Variants in EPHA6 observed in about 807,000 individuals in gnomAD.
The protein encoded by EPHA6 is EPH receptor A6.
In EPHA6, 50 loss-of-function variants were observed where a neutral mutation model predicts 112.0. The ratio of observed to expected loss-of-function variants is 0.45; its 90% CI spans 0.36 to 0.56. The LOEUF (loss-of-function observed/expected upper bound fraction) is 0.56. Ranked by LOEUF, EPHA6 falls within the 20% of genes least tolerant of loss-of-function variation. The pLI, the probability that EPHA6 is intolerant of heterozygous loss-of-function variation, is 0.00. For missense variants in EPHA6, 1,280 were observed against 1,417.4 expected, an observed-to-expected ratio of 0.90 and a Z score of 1.56; for synonymous variants, 529 against 490.7, an observed-to-expected ratio of 1.08 and a Z score of -1.03.
At chr3:96,976,326 T>C (rs2042519861) in intron 2 of EPHA6, among the ~76,000 whole-genome samples, 1 of 152,160 alleles carries the variant, frequency 6.6e-6, no homozygotes, top group African/African-American at 2.4e-5. Context: ...TCCAAACAAC[T>C]CCAGTTCATG....
intron 11 of EPHA6, among the ~76,000 whole-genome samples, chr3:97,591,786 C>T (rs989958075): frequency 3.3e-5 from 5 of 152,090 alleles, no homozygotes; most frequent in East Asian, 1.9e-4. Context: ...AGAATGTATT[C>T]GTGATTTATT....
chr3:97,695,603 C>G (rs146547900), intron 14 of EPHA6, among the ~76,000 whole-genome samples: 2 of 152,266 alleles, frequency 1.3e-5, no homozygotes, highest in East Asian at 3.9e-4. Context: ...TGCAGTGGCG[C>G]CATCTCAGCT....
chr3:97,716,869 T>C (rs569888926), intron 14 of EPHA6, among the ~76,000 whole-genome samples: 6 of 152,302 alleles, frequency 3.9e-5, no homozygotes, highest in Non-Finnish European at 7.3e-5. Context: ...TTATGTCCCA[T>C]TTTTTCTTGT....
chr3:97,654,396 G>A (rs2094125390), intron 14 of EPHA6, among the ~76,000 whole-genome samples: 1 of 151,726 alleles, frequency 6.6e-6, no homozygotes, highest in South Asian at 2.1e-4. Context: ...GTACTGTTCT[G>A]GTCACTGGAC....
In EPHA6 at chr3:97,363,216, ATATATATATATATATATATAT is replaced by A. The variant is rs2084491302; in HGVS notation, c.1607-41933_1607-41913del. On this transcript the variant is annotated intron_variant, in intron 5 of 17. Transcript: ENST00000389672. The stretch of plus-strand genomic sequence containing the variant: ...TATATATATATATATATATATATAT[ATATATATATATATATATATAT>A]AAATCTCAGATGCTACAAAAACTAA... Among the ~76,000 whole-genome samples the A allele has an allele frequency of 1.5e-3, 91 of 59,906 alleles. 2 individuals are homozygous for A. The highest frequency in any genetic ancestry group is 9.0e-3 in the African/African-American group (90 of 9,960). The allele number at this position is 59,906 out of a possible 152,430, so 39.3% of individuals were successfully genotyped here. A position where few individuals can be genotyped will look rare whatever the true frequency, so the allele number is the denominator to read the frequency against.
intron 13 of EPHA6, among the ~76,000 whole-genome samples, chr3:97,634,659 C>T (rs1485488741): frequency 6.6e-6 from 1 of 152,070 alleles, no homozygotes; most frequent in Admixed American, 6.6e-5. Context: ...AAGGCCATGA[C>T]CCCTTTACAC....
chr3:96,860,669 T>C lies in EPHA6; in HGVS notation c.386-6156T>C, dbSNP rs140660389. Among the ~76,000 whole-genome samples, 172 of 152,138 alleles carry C rather than the reference T, an allele frequency of 1.1e-3. 1 individual carries two copies. The highest frequency in any genetic ancestry group is 3.9e-3 in the African/African-American group (164 of 41,528). On this transcript the variant is annotated intron_variant, in intron 1 of 17. Transcript: ENST00000389672. ...AAGCAATGGGGAACATGTTCAATGGTTTGAGCTAAATGGGGCACTTCTTTG... is the reference window on the plus strand; with the variant it reads ...AAGCAATGGGGAACATGTTCAATGGCTTGAGCTAAATGGGGCACTTCTTTG...
At chr3:96,839,548 T>A (rs2034612506) in intron 1 of EPHA6, among the ~76,000 whole-genome samples, 2 of 152,120 alleles carry the variant, frequency 1.3e-5, no homozygotes, top group South Asian at 4.1e-4. Context: ...AGTTGGGAAC[T>A]ATTATTGTAG....
intron 14 of EPHA6, among the ~76,000 whole-genome samples, chr3:97,678,254 G>T (rs1352258307): frequency 1.3e-5 from 2 of 152,192 alleles, no homozygotes; most frequent in Non-Finnish European, 2.9e-5. Context: ...AAAGAAAACA[G>T]CCATGACATG....
At chr3:97,321,803 G>A (rs569032776) in intron 5 of EPHA6, among the ~76,000 whole-genome samples, 2 of 152,148 alleles carry the variant, frequency 1.3e-5, no homozygotes, top group Admixed American at 1.3e-4. Flanking sequence ...CTATAGACTA[G>A]CTTCAAAGCA....
chr3:97,492,975 T>C (rs1479992125), intron 10 of EPHA6, among the ~76,000 whole-genome samples: 1 of 101,264 alleles, frequency 9.9e-6, no homozygotes, highest in East Asian at 2.3e-4. Flanking sequence ...AAGCTTTTCC[T>C]TTTTTTTTTT....
intron 10 of EPHA6, among the ~76,000 whole-genome samples, chr3:97,514,039 C>G (rs536930165): frequency 1.3e-5 from 2 of 152,080 alleles, no homozygotes; most frequent in Non-Finnish European, 2.9e-5. Flanking sequence ...TACTCTGCAC[C>G]AAGACCTATG....
At position 96,966,433 on chromosome 3, in the gene EPHA6, TA is replaced by T. The variant is rs142734352; in HGVS notation, c.451-20895del. 5.6e-3 allele frequency among the ~76,000 whole-genome samples: 852 copies of T among 152,184 alleles called. 5 individuals carry two copies. Among genetic ancestry groups the T allele is most frequent in the African/African-American group, 0.019 (780 of 41,538 alleles). ...CCTCTGAAGCCAAGAGACGATGACTTAATGATTACTCAGATAGGAATTTACT... is the reference window on the plus strand; with the variant it reads ...CCTCTGAAGCCAAGAGACGATGACTTATGATTACTCAGATAGGAATTTACT... On this transcript the variant is annotated intron_variant, in intron 2 of 17. Coordinates refer to ENST00000389672, the MANE Select transcript of EPHA6 (RefSeq NM_001080448.3).
chr3:97,377,967 CA>C (rs890852784), intron 5 of EPHA6, among the ~76,000 whole-genome samples: 3 of 152,184 alleles, frequency 2.0e-5, no homozygotes, highest in Admixed American at 6.5e-5. Context: ...TTCCAGCTGC[CA>C]GCAAATATTT....
chr3:96,898,456 C>T (rs2038404543), intron 2 of EPHA6, among the ~76,000 whole-genome samples: 1 of 152,170 alleles, frequency 6.6e-6, no homozygotes, highest in African/African-American at 2.4e-5. Context: ...ATTCCAGCTA[C>T]CACTTGTCTG....
At chr3:96,932,986 C>G (rs1361604360) in intron 2 of EPHA6, among the ~76,000 whole-genome samples, 1 of 152,012 alleles carries the variant, frequency 6.6e-6, no homozygotes, top group Non-Finnish European at 1.5e-5. Context: ...AGGAGTGGTA[C>G]AGGGTGCAGA....
At chr3:97,382,142 A>G (rs2085786599) in intron 5 of EPHA6, among the ~76,000 whole-genome samples, 2 of 152,072 alleles carry the variant, frequency 1.3e-5, no homozygotes, top group Non-Finnish European at 2.9e-5. Flanking sequence ...TGAGTCTGAT[A>G]AGTATACAGT....
intron 4 of EPHA6, among the ~76,000 whole-genome samples, chr3:97,236,084 A>ATGAGCTG (rs2078671841): frequency 6.6e-6 from 1 of 151,916 alleles, no homozygotes; most frequent in Non-Finnish European, 1.5e-5. Flanking sequence ...ACTTTAAAGA[A>ATGAGCTG]TGAGCTGTGG....
rs528802283 is a variant in EPHA6 at position 97,730,738 on chromosome 3, T to C, written c.2935-5187T>C. Among the ~76,000 whole-genome samples, 5 of 152,252 alleles carry C rather than the reference T, an allele frequency of 3.3e-5. No individual in the cohort carries two copies. In the South Asian group the frequency reaches 1.0e-3, roughly 32 times the overall value. ...GTTAATATAGGATTTCTCAAGCTTCTCTGAAAATTCAGCTTTCATAAATCA... is the reference window on the plus strand; with the variant it reads ...GTTAATATAGGATTTCTCAAGCTTCCCTGAAAATTCAGCTTTCATAAATCA... On this transcript the variant is annotated intron_variant, in intron 15 of 17. Coordinates refer to ENST00000389672, the MANE Select transcript of EPHA6 (RefSeq NM_001080448.3).
Sources: allele counts gnomAD v4.1 joint callset (sites outside exome capture counted in the v4.1 genomes callset), GRCh38; gene constraint gnomAD v4.1.1; transcripts MANE v1.5; gene names NCBI Gene and HGNC (gene_info 2026-07-23, HGNC 2026-07-21).